Variants in NCAM2 observed in about 807,000 individuals in gnomAD.
NCAM2 encodes the protein N-CAM-2.
NCAM2 carries 30 observed loss-of-function variants against 98.1 expected under a neutral mutation model. The observed-to-expected ratio is 0.31, with a 90% CI of 0.23 to 0.41. The LOEUF is 0.41. Ranked by LOEUF, NCAM2 falls within the 10% of genes least tolerant of loss-of-function variation. The pLI, the probability that NCAM2 is intolerant of heterozygous loss-of-function variation, is 1.00. For synonymous variants in NCAM2, 368 were observed against 342.4 expected (o/e 1.07, Z -0.83); for missense variants, 867 against 1,005.8 (o/e 0.86, Z 1.87).
intron 12 of NCAM2, among the ~76,000 whole-genome samples, chr21:21,439,776 A>T (rs147038265): frequency 6.6e-6 from 1 of 152,346 alleles, no homozygotes; most frequent in African/African-American, 2.4e-5. Context: ...ATATGTGTTG[A>T]AATGTTTTTA....
intron 1 of NCAM2, among the ~76,000 whole-genome samples, chr21:21,199,184 A>AT (rs796077623): frequency 3.4e-4 from 51 of 152,230 alleles, no homozygotes; most frequent in African/African-American, 1.1e-3. Flanking sequence ...TCTCCAGGAT[A>AT]TTTTTTTGGA....
At chr21:21,280,524 T>C in intron 1 of NCAM2, 54 bp from the exon 2 acceptor site, 1 of 1,285,504 alleles carries the variant, frequency 7.8e-7, no homozygotes, top group Admixed American at 2.0e-5. Flanking sequence ...TGCATTAAAA[T>C]CTTAGAAATC....
chr21:21,410,881 C>T (rs1280917860), intron 10 of NCAM2, among the ~76,000 whole-genome samples: 2 of 148,888 alleles, frequency 1.3e-5, no homozygotes, highest in Non-Finnish European at 3.0e-5. Context: ...GTGGTGTGTG[C>T]CTATAGCCCC....
In NCAM2 at chr21:21,428,508, C is replaced by T. The variant is rs981877009; in HGVS notation, c.1481-3600C>T. Among the ~76,000 whole-genome samples, 10 of 152,258 alleles carry T rather than the reference C, an allele frequency of 6.6e-5. No individual in the cohort carries two copies. The East Asian group carries it at 1.7e-3, about 26-fold the overall frequency. On this transcript the variant is annotated intron_variant, in intron 11 of 17. Transcript: ENST00000400546. ...TGGTTCTTTACAAAGATTGATTTTG[C>T]ATTTGCATGCCTCGTGCATTGATGT...
chr21:21,297,847 T>G (rs1433569684), intron 5 of NCAM2, among the ~76,000 whole-genome samples: 2 of 151,866 alleles, frequency 1.3e-5, no homozygotes, highest in East Asian at 3.9e-4. Context: ...TGATTTATTA[T>G]TTTATGAATA....
At chr21:21,463,266 C>T (rs1179160312) in intron 12 of NCAM2, among the ~76,000 whole-genome samples, 1 of 152,030 alleles carries the variant, frequency 6.6e-6, no homozygotes, top group Non-Finnish European at 1.5e-5. Flanking sequence ...CCAGGCTTTG[C>T]CTCCTCCAAA....
chr21:21,480,366 CAAA>C (rs59203448), intron 15 of NCAM2, among the ~76,000 whole-genome samples: 6 of 69,938 alleles, frequency 8.6e-5, no homozygotes, highest in Admixed American at 3.4e-4. Context: ...GACTCCATCT[CAAA>C]AAAAAAAAAA....
chr21:21,077,563 G>A (rs1271623676), intron 1 of NCAM2, among the ~76,000 whole-genome samples: 3 of 152,088 alleles, frequency 2.0e-5, no homozygotes, highest in Non-Finnish European at 4.4e-5. Flanking sequence ...AAAAAACCAG[G>A]ACCTTTGCTT....
intron 9 of NCAM2, among the ~76,000 whole-genome samples, chr21:21,394,761 G>T (rs754147794): frequency 6.6e-6 from 1 of 151,786 alleles, no homozygotes; most frequent in Non-Finnish European, 1.5e-5. Flanking sequence ...TGCTGGGCCA[G>T]CTTCTTTACA....
chr21:21,028,778 C>T (rs1164290514), intron 1 of NCAM2, among the ~76,000 whole-genome samples: 1 of 152,074 alleles, frequency 6.6e-6, no homozygotes, highest in Non-Finnish European at 1.5e-5. Context: ...ATCAGTGTTT[C>T]CATATGAAGA....
At chr21:21,160,450 A>G (rs945964866) in intron 1 of NCAM2, among the ~76,000 whole-genome samples, 14 of 152,054 alleles carry the variant, frequency 9.2e-5, no homozygotes, top group African/African-American at 2.9e-4. Context: ...GAGAATGGCT[A>G]TTTTATTAAA....
intron 1 of NCAM2, among the ~76,000 whole-genome samples, chr21:21,022,605 C>G (rs1306580702): frequency 1.3e-5 from 2 of 152,040 alleles, no homozygotes; most frequent in African/African-American, 2.4e-5. Context: ...TGTGACCACC[C>G]TCTGTATCTA....
At chr21:21,482,406 A>G (rs536816451) in intron 15 of NCAM2, among the ~76,000 whole-genome samples, 2 of 152,296 alleles carry the variant, frequency 1.3e-5, no homozygotes, top group African/African-American at 4.8e-5. Flanking sequence ...GTAATAAACT[A>G]GCACATCTTA....
intron 1 of NCAM2, chr21:21,239,498 A>AG (rs1230071401): frequency 6.6e-6 from 1 of 152,168 alleles, no homozygotes; most frequent in Non-Finnish European, 1.5e-5. Flanking sequence ...GTTCAATGTT[A>AG]GGGTGATATT....
At chr21:21,533,748 T>G (rs1989837499) in intron 16 of NCAM2, among the ~76,000 whole-genome samples, 2 of 151,640 alleles carry the variant, frequency 1.3e-5, no homozygotes, top group African/African-American at 4.8e-5. Flanking sequence ...ACCAAATAAC[T>G]TCCTTGTTAC....
chr21:21,164,698 A>C (rs2067896713), intron 1 of NCAM2, among the ~76,000 whole-genome samples: 2 of 152,228 alleles, frequency 1.3e-5, no homozygotes, highest in Admixed American at 1.3e-4. Context: ...AATTTATTGC[A>C]ACTTCCATGC....
intron 9 of NCAM2, among the ~76,000 whole-genome samples, chr21:21,381,294 G>A (rs1183877642): frequency 6.6e-6 from 1 of 152,156 alleles, no homozygotes; most frequent in Non-Finnish European, 1.5e-5. Flanking sequence ...TTGCCCATGG[G>A]CTATAATTTG....
chr21:21,363,548 G>A (rs925016364), intron 8 of NCAM2, among the ~76,000 whole-genome samples: 4 of 151,918 alleles, frequency 2.6e-5, no homozygotes, highest in South Asian at 2.1e-4. Flanking sequence ...TTTCTGCTTC[G>A]TGGGTCTTTA....
intron 13 of NCAM2, among the ~76,000 whole-genome samples, chr21:21,467,433 T>C (rs1983861402): frequency 6.8e-6 from 1 of 147,940 alleles, no homozygotes; most frequent in Admixed American, 6.8e-5. Flanking sequence ...TCTTTTTATA[T>C]ATATATATAT....
Sources: gnomAD v4.1 joint callset for allele counts (sites outside exome capture counted in the v4.1 genomes callset) on GRCh38, gnomAD v4.1.1 for gene constraint, MANE v1.5 for transcripts, NCBI Gene and HGNC (gene_info 2026-07-23, HGNC 2026-07-21) for gene names.